ARRDC2: variants seen among roughly 807,000 people sequenced by gnomAD.
ARRDC2 encodes the protein arrestin domain-containing protein 2.
ARRDC2 carries 39 observed loss-of-function variants against 38.9 expected under a neutral mutation model. The ratio of observed to expected loss-of-function variants is 1.00; its 90% confidence interval spans 0.78 to 1.31. The LOEUF is 1.31. ARRDC2 is among the 50% of genes most tolerant of loss of function. The pLI, the probability that ARRDC2 is intolerant of heterozygous loss-of-function variation, is 0.00. For missense variants in ARRDC2, 553 were observed against 588.4 expected, an observed-to-expected ratio of 0.94 and a Z score of 0.62; for synonymous variants, 300 against 261.9, an observed-to-expected ratio of 1.15 and a Z score of -1.41.
chr19:18,009,041 C>T lies in ARRDC2; in HGVS notation c.412C>T (p.Pro138Ser), dbSNP rs1240720181. The change falls in exon 3 of 8, where the codon CCC (proline) becomes TCC (serine). Residue 138 changes from proline (P) to serine (S), a missense_variant. Pro to Ser is a moderately conservative substitution (Grantham distance 74). Around this residue, in one of 3 missense-constraint regions of ARRDC2, gnomAD observed 447 missense variants for 456.6 expected, o/e 0.98. Transcript: ENST00000222250. ...CTGTATCAAGGCCACCCTGCACCGG[C>T]CCTGGGTCCCAGCACGCCGGGCAAG... ...RYCIKATLHR[P>S]WVPARRARKV... 3 of 1,613,650 alleles carry T rather than the reference C, an allele frequency of 1.9e-6. No individual in the cohort carries two copies. The highest frequency in any genetic ancestry group is 1.1e-5 in the South Asian group (1 of 91,090).
In ARRDC2 at chr19:18,008,373, G is replaced by A. The variant is rs749450651; in HGVS notation, c.63G>A (p.Glu21=). Residue 21 remains glutamate, a synonymous_variant, in exon 1 of 8, where the codon GAG becomes GAA. Transcript: ENST00000222250. ...TGGACGGCGCGACCGCGGGCGTCGA[G>A]CCCGTGTTTAGCGGCGGCCAGGCCG... The part of the protein sequence containing the change: ...VQLDGATAGV[E]PVFSGGQAVA... The A allele has an allele frequency of 1.3e-6, 2 of 1,596,538 alleles. No homozygotes were observed. The highest frequency in any genetic ancestry group is 2.2e-5 in the East Asian group (1 of 44,626).
At chr19:18,008,025 G>C, upstream of ARRDC2, 1 of 792,492 alleles carries the variant, frequency 1.3e-6, no homozygotes, top group Non-Finnish European at 1.8e-6. Flanking sequence ...GTGAGCAGGG[G>C]CGTTTGTTAT....
upstream of ARRDC2, among the ~76,000 whole-genome samples, chr19:18,006,501 C>G (rs997940791): frequency 6.6e-6 from 1 of 152,174 alleles, no homozygotes; most frequent in Non-Finnish European, 1.5e-5. Context: ...CGCCTGCAAT[C>G]GCAGGCACTC....
In ARRDC2 at chr19:18,013,036, C is replaced by T; in HGVS notation, c.*70C>T. 1 of 1,547,246 alleles carries T rather than the reference C, an allele frequency of 6.5e-7. No individual in the cohort carries two copies. The highest frequency in any genetic ancestry group is 8.9e-7 in the Non-Finnish European group (1 of 1,126,038). ...CAGCCACCATGACTGTGGGGAGTGGCTGGACCAAGGGCTGACCTCCCCGAC... is the reference window on the plus strand; with the variant it reads ...CAGCCACCATGACTGTGGGGAGTGGTTGGACCAAGGGCTGACCTCCCCGAC... On this transcript the variant is annotated 3_prime_UTR_variant, in exon 8 of 8. Transcript: ENST00000222250.
chr19:18,001,205 G>A (rs2033178157), exon 1 of ARRDC2: 2 of 1,077,878 alleles, frequency 1.9e-6, no homozygotes, highest in Middle Eastern at 4.0e-4. Context: ...GGGCCCGGAG[G>A]AAGCTTGGGG....
chr19:18,008,116 A>AGCCCCCCCCC, upstream of ARRDC2: 15 of 522,498 alleles, frequency 2.9e-5, no homozygotes, highest in Non-Finnish European at 4.4e-5. Context: ...AGAGACGGTG[A>AGCCCCCCCCC]CCCCACCCCC....
intron 3 of ARRDC2, 81 bp from the exon 4 acceptor site, chr19:18,009,511 C>A: frequency 7.7e-7 from 1 of 1,298,916 alleles, no homozygotes; most frequent in Non-Finnish European, 1.1e-6. Flanking sequence ...CCTCCCTCAG[C>A]TGGGGGTGGT....
At chr19:18,004,735 C>T (rs1675651178), upstream of ARRDC2, among the ~76,000 whole-genome samples, 1 of 149,920 alleles carries the variant, frequency 6.7e-6, no homozygotes. Flanking sequence ...TGCAGTGGCT[C>T]ACACCTGTAA....
At chr19:18,009,504 C>G in intron 3 of ARRDC2, 88 bp from the exon 4 acceptor site, 1 of 1,228,472 alleles carries the variant, frequency 8.1e-7, no homozygotes, top group Non-Finnish European at 1.1e-6. Flanking sequence ...CCAAAGTCCT[C>G]CCTCAGCTGG....
chr19:18,008,648 C>A (rs778810751), intron 1 of ARRDC2, 63 bp from the exon 2 acceptor site: 1 of 1,604,008 alleles, frequency 6.2e-7, no homozygotes. Context: ...GACGGCGGTA[C>A]CTCCGTCAGC....
At chr19:18,009,376 G>T (rs1027940511) in intron 3 of ARRDC2, 1 of 630,752 alleles carries the variant, frequency 1.6e-6, no homozygotes, top group African/African-American at 1.8e-5. Context: ...TACCAAGTGT[G>T]AATTACACAC....
chr19:18,010,281 G>T lies in ARRDC2; in HGVS notation c.935G>T (p.Ser312Ile). The T allele has an allele frequency of 6.2e-7, 1 of 1,613,680 alleles. No homozygotes were observed. The part of the protein sequence containing the change: ...IGTIPLHPFG[S>I]RSSSVGSHAS... The stretch of plus-strand genomic sequence containing the variant: ...ACCATTCCCTTGCACCCTTTTGGCA[G>T]CCGTTCCTCCAGCGTGGGCAGCCAC... The change falls in exon 6 of 8, where the codon AGC becomes ATC. Residue 312 changes from serine to isoleucine, a missense_variant. By Grantham distance (142) the Ser-to-Ile change is moderately radical. This residue lies in a region of ARRDC2 where 447 missense variants were observed against 456.6 expected (regional missense o/e 0.98). Coordinates refer to ENST00000222250, the MANE Select transcript of ARRDC2 (RefSeq NM_015683.2).
Position 18,008,195 on chromosome 19 carries a change from C to A in ARRDC2, c.-116C>A. The A allele has an allele frequency of 7.2e-7, 1 of 1,388,010 alleles. No individual in the cohort carries two copies. The highest frequency in any genetic ancestry group is 1.2e-5 in the South Asian group (1 of 80,658). 86.0% of individuals were successfully genotyped at this position (1,388,010 alleles called of 1,614,324 possible). On this transcript the variant is annotated 5_prime_UTR_variant, in exon 1 of 8. Coordinates refer to ENST00000222250, the MANE Select transcript of ARRDC2 (RefSeq NM_015683.2). The stretch of plus-strand genomic sequence containing the variant: ...GATTTTCTGCTCCGGTTGGTGAGCG[C>A]GCCTGCGCGTTGACGGCGATTTTGC...
At chr19:18,007,969 G>A, upstream of ARRDC2, 1 of 453,374 alleles carries the variant, frequency 2.2e-6, no homozygotes, top group South Asian at 2.5e-5. Context: ...CAGCCTAAGG[G>A]CTTCAGTTTC....
At chr19:18,008,057 G>A, upstream of ARRDC2, 1 of 1,124,632 alleles carries the variant, frequency 8.9e-7, no homozygotes, top group Non-Finnish European at 1.2e-6. Flanking sequence ...CCTGGGCAGA[G>A]CCACGCCCCT....
Position 18,008,256 on chromosome 19 carries a change from G to A in ARRDC2, c.-55G>A, listed in dbSNP as rs2033323947. On this transcript the variant is annotated 5_prime_UTR_variant, in exon 1 of 8. Coordinates refer to ENST00000222250, the MANE Select transcript of ARRDC2 (RefSeq NM_015683.2). ...TGCAGCGTCGGCATCTTGAGCTGCC[G>A]GTTCGCGAGTTCGAGGCCAGGTTCC... 1.3e-6 allele frequency: 2 copies of A among 1,564,324 alleles called. No individual in the cohort carries two copies. Among genetic ancestry groups the A allele is most frequent in the African/African-American group, 2.8e-5 (2 of 71,098 alleles).
upstream of ARRDC2, among the ~76,000 whole-genome samples, chr19:18,006,638 G>A (rs1365562878): frequency 2.0e-5 from 3 of 151,916 alleles, no homozygotes; most frequent in African/African-American, 7.2e-5. Context: ...ACCAAGGGGA[G>A]AGGGAGAGGG....
upstream of ARRDC2, among the ~76,000 whole-genome samples, chr19:18,004,342 G>A: frequency 6.8e-6 from 1 of 147,202 alleles, no homozygotes; most frequent in South Asian, 2.2e-4. Flanking sequence ...CCACCTCCCA[G>A]GTTCAAGTGT....
In ARRDC2 at chr19:18,009,049, C is replaced by T. The variant is rs143985791; in HGVS notation, c.420C>T (p.Val140=). 228 of 1,613,506 alleles carry T rather than the reference C, an allele frequency of 1.4e-4. No homozygotes were observed. Among genetic ancestry groups the T allele is most frequent in the Non-Finnish European group, 1.9e-4 (220 of 1,179,998 alleles). ...AGGCCACCCTGCACCGGCCCTGGGT[C>T]CCAGCACGCCGGGCAAGGAAGGTGT... ...CIKATLHRPW[V]PARRARKVFT... The change falls in exon 3 of 8, where the codon GTC becomes GTT. Residue 140 remains valine (V), a synonymous_variant. Coordinates refer to ENST00000222250, the MANE Select transcript of ARRDC2 (RefSeq NM_015683.2).
Sources: gnomAD v4.1 joint callset for allele counts (sites outside exome capture counted in the v4.1 genomes callset) on GRCh38, gnomAD v4.1.1 for gene constraint, gnomAD v4.1.1 regional missense constraint, MANE v1.5 for transcripts, NCBI Gene and HGNC (gene_info 2026-07-23, HGNC 2026-07-21) for gene names.